The following ROS1 variants were observed in gnomAD, a reference collection of about 807,000 sequenced individuals.
ROS1 encodes ROS proto-oncogene 1, receptor tyrosine kinase.
In ROS1, 263 loss-of-function variants were observed where a neutral mutation model predicts 273.5. That is an observed-to-expected ratio of 0.96 (90% CI 0.87 to 1.06). The LOEUF is 1.06. Among genes scored for constraint, ROS1 ranks in the 50% least tolerant of loss-of-function variants. The pLI is 0.00. For missense variants in ROS1, 2,833 were observed against 2,751.1 expected, an observed-to-expected ratio of 1.03 and a Z score of -0.67; for synonymous variants, 1,008 against 954.1, an observed-to-expected ratio of 1.06 and a Z score of -1.04.
At chr6:117,405,023 G>A (rs1774283295) in intron 5 of ROS1, among the ~76,000 whole-genome samples, 1 of 152,152 alleles carries the variant, frequency 6.6e-6, no homozygotes, top group African/African-American at 2.4e-5. Flanking sequence ...GCCAGGCATG[G>A]TACTAAGGGC....
chr6:117,389,711 T>C lies in ROS1; in HGVS notation c.1425A>G (p.Arg475=), dbSNP rs776363682. The change falls in exon 13 of 44, where the codon CGA becomes CGG. Residue 475 remains arginine, a synonymous_variant. Coordinates refer to ENST00000368507, the MANE Select transcript of ROS1 (RefSeq NM_001378902.1). ...GGGCAGTGTCATTGAAGTAAATGAT[T>C]CGCTTGGCTTGTGGCTTGATTGCAA... ...KDFAIKPQAK[R]IIYFNDTAQV... The C allele has an allele frequency of 1.2e-6, 2 of 1,614,202 alleles. No homozygotes were observed. Among genetic ancestry groups the C allele is most frequent in the Admixed American group, 3.3e-5 (2 of 60,026 alleles).
At chr6:117,357,515 T>C (rs1337694344) in intron 25 of ROS1, among the ~76,000 whole-genome samples, 3 of 152,336 alleles carry the variant, frequency 2.0e-5, no homozygotes, top group African/African-American at 7.2e-5. Context: ...TTCTTGTACT[T>C]GCCAACTGAT....
intron 26 of ROS1, among the ~76,000 whole-genome samples, chr6:117,353,512 C>T (rs370679103): frequency 3.6e-4 from 55 of 152,162 alleles, no homozygotes; most frequent in African/African-American, 1.3e-3. Flanking sequence ...TAATGCCAAC[C>T]TGAGGGAAAT....
chr6:117,312,883 A>G (rs1157826999), intron 39 of ROS1, among the ~76,000 whole-genome samples: 3 of 152,082 alleles, frequency 2.0e-5, no homozygotes, highest in African/African-American at 7.2e-5. Flanking sequence ...AGTATAGTTC[A>G]GCTACTGTTC....
At chr6:117,385,231 C>A (rs1166577987) in intron 16 of ROS1, among the ~76,000 whole-genome samples, 20 of 152,086 alleles carry the variant, frequency 1.3e-4, no homozygotes, top group Admixed American at 1.3e-3. Context: ...ATAGTGATAA[C>A]AAATTTAATT....
chr6:117,323,095 G>C lies in ROS1; in HGVS notation c.5623+1237C>G, dbSNP rs1776394114. ...TACTGCAGTCATATGCGTAAGTCTG[G>C]AGGGGCTGGCTTAGTGGCACAAACA... On this transcript the variant is annotated intron_variant, in intron 35 of 43. Transcript: ENST00000368507. Among the ~76,000 whole-genome samples, 4 of 152,138 alleles carry C rather than the reference G, an allele frequency of 2.6e-5. No individual in the cohort carries two copies. The South Asian group carries it at 8.3e-4, about 32-fold the overall frequency.
chr6:117,404,407 G>T lies in ROS1; in HGVS notation c.338C>A (p.Ala113Asp), dbSNP rs1774226659. The T allele has an allele frequency of 6.2e-7, 1 of 1,613,064 alleles. No individual in the cohort carries two copies. The highest frequency in any genetic ancestry group is 8.5e-7 in the Non-Finnish European group (1 of 1,179,806). The change falls in exon 6 of 44, where the codon GCT becomes GAT. Residue 113 changes from alanine (A) to aspartate (D), a missense_variant. By Grantham distance (126) the Ala-to-Asp change is moderately radical. Coordinates refer to ENST00000368507, the MANE Select transcript of ROS1 (RefSeq NM_001378902.1). Reference protein sequence around the residue: ...EVLENADLPTAPFASSIGSHN... With the variant: ...EVLENADLPTDPFASSIGSHN... Reference sequence around the variant, plus strand: ...GCTTCCAATGGAAGAAGCAAAGGGAGCAGTTGGTAGGTCTGCATTTTCTGG... The same window carrying T: ...GCTTCCAATGGAAGAAGCAAAGGGATCAGTTGGTAGGTCTGCATTTTCTGG...
At chr6:117,414,686 C>A in intron 3 of ROS1, 141 bp from the exon 4 acceptor site, 1 of 558,026 alleles carries the variant, frequency 1.8e-6, no homozygotes, top group Non-Finnish European at 3.1e-6. Context: ...AACAAGGGAG[C>A]CCAGAGCAGG....
Position 117,386,980 on chromosome 6 carries a change from G to A in ROS1, c.2019C>T (p.Ile673=). Residue 673 remains isoleucine (I), a synonymous_variant, in exon 15 of 44, where the codon ATC becomes ATT. Transcript: ENST00000368507. ...AAAGCCCATCTTCTTTCACAGCCATGATAAATGGTGGTTCACTAGCTGTTT... is the reference window on the plus strand; with the variant it reads ...AAAGCCCATCTTCTTTCACAGCCATAATAAATGGTGGTTCACTAGCTGTTT... ...TLVPASEPPF[I]MAVKEDGLWS... 1 of 1,609,968 alleles carries A rather than the reference G, an allele frequency of 6.2e-7. No homozygotes were observed. The highest frequency in any genetic ancestry group is 1.3e-5 in the African/African-American group (1 of 74,918).
intron 27 of ROS1, among the ~76,000 whole-genome samples, chr6:117,348,723 C>T (rs1778573513): frequency 1.3e-5 from 2 of 151,786 alleles, no homozygotes; most frequent in Non-Finnish European, 2.9e-5. Flanking sequence ...TTAATACATG[C>T]AGTCAGTGCT....
intron 7 of ROS1, 33 bp from the exon 8 acceptor site, chr6:117,397,149 A>G (rs1456473451): frequency 7.3e-7 from 1 of 1,376,352 alleles, no homozygotes; most frequent in Non-Finnish European, 1.0e-6. Context: ...AATGAGCAGA[A>G]AAATGTGCAA....
chr6:117,296,683 G>T (rs1023103302), intron 43 of ROS1, among the ~76,000 whole-genome samples: 1 of 152,132 alleles, frequency 6.6e-6, no homozygotes, highest in African/African-American at 2.4e-5. Flanking sequence ...GGGTGGGGGA[G>T]TTGGGGATGG....
intron 22 of ROS1, 52 bp downstream of exon 22, chr6:117,362,551 C>G: frequency 3.3e-6 from 5 of 1,535,368 alleles, no homozygotes; most frequent in Non-Finnish European, 4.4e-6. Context: ...CTTTCCCTCT[C>G]CCCACAATGC....
intron 27 of ROS1, among the ~76,000 whole-genome samples, chr6:117,351,734 G>C (rs928148826): frequency 6.6e-6 from 1 of 152,180 alleles, no homozygotes; most frequent in South Asian, 2.1e-4. Context: ...GTGGATCCAA[G>C]AAGAGCTGTT....
intron 18 of ROS1, among the ~76,000 whole-genome samples, chr6:117,368,906 T>A (rs2128666679): frequency 6.6e-6 from 1 of 152,214 alleles, no homozygotes; most frequent in East Asian, 1.9e-4. Flanking sequence ...TTATTCAGAT[T>A]GCATGTTGAA....
chr6:117,371,422 G>A (rs1415052990), intron 18 of ROS1, among the ~76,000 whole-genome samples: 1 of 152,136 alleles, frequency 6.6e-6, no homozygotes, highest in Non-Finnish European at 1.5e-5. Flanking sequence ...AGCCCTGTGG[G>A]CACTTGCAGT....
chr6:117,355,805 T>C (rs1297219451), intron 26 of ROS1, among the ~76,000 whole-genome samples: 1 of 152,020 alleles, frequency 6.6e-6, no homozygotes, highest in African/African-American at 2.4e-5. Context: ...GAAACAGGGC[T>C]TCACCATGTT....
intron 7 of ROS1, among the ~76,000 whole-genome samples, chr6:117,400,297 C>T (rs546174133): frequency 6.0e-4 from 92 of 152,274 alleles, no homozygotes; most frequent in African/African-American, 2.1e-3. Flanking sequence ...TTTGTCAGTA[C>T]GTTTTCTATG....
intron 33 of ROS1, 115 bp from the exon 34 acceptor site, chr6:117,326,529 C>T (rs1223757677): frequency 3.3e-6 from 2 of 610,580 alleles, no homozygotes; most frequent in African/African-American, 3.8e-5. Context: ...CACAATTTAC[C>T]CTTGACCTCA....
Sources: allele counts gnomAD v4.1 joint callset (sites outside exome capture counted in the v4.1 genomes callset), GRCh38; gene constraint gnomAD v4.1.1; transcripts MANE v1.5; gene names NCBI Gene and HGNC (gene_info 2026-07-23, HGNC 2026-07-21).